Variants in PTPRD observed in about 807,000 individuals in gnomAD.
PTPRD encodes receptor-type tyrosine-protein phosphatase delta.
Under a neutral mutation model 214.5 loss-of-function variants are expected in PTPRD, and 34 were observed. The ratio of observed to expected loss-of-function variants is 0.16; its 90% CI spans 0.12 to 0.21. The LOEUF is 0.21. Ranked by LOEUF, PTPRD falls within the 10% of genes least tolerant of loss-of-function variation. PTPRD has a pLI of 1.00. For synonymous variants in PTPRD, 1,128 were observed against 845.7 expected, an observed-to-expected ratio of 1.33 and a Z score of -5.79; for missense variants, 2,545 against 2,398.7, an observed-to-expected ratio of 1.06 and a Z score of -1.27.
chr9:9,597,100 A>T (rs1438614916), intron 7 of PTPRD, among the ~76,000 whole-genome samples: 1 of 152,022 alleles, frequency 6.6e-6, no homozygotes, highest in African/African-American at 2.4e-5. Flanking sequence ...GAAAGTAATC[A>T]GTGAGACAGA....
At chr9:10,134,887 T>C (rs1385080379) in intron 3 of PTPRD, among the ~76,000 whole-genome samples, 2 of 152,042 alleles carry the variant, frequency 1.3e-5, no homozygotes, top group African/African-American at 4.8e-5. Context: ...ACCACTGAAA[T>C]GGCTGAAATG....
intron 5 of PTPRD, among the ~76,000 whole-genome samples, chr9:9,881,771 C>T (rs11999751): frequency 1.3e-5 from 2 of 152,054 alleles, no homozygotes; most frequent in Non-Finnish European, 2.9e-5. Context: ...GTAACCATAT[C>T]ATTTGCTTTA....
At chr9:9,872,763 C>T (rs969100207) in intron 5 of PTPRD, among the ~76,000 whole-genome samples, 5 of 152,094 alleles carry the variant, frequency 3.3e-5, no homozygotes, top group African/African-American at 9.7e-5. Context: ...GAAGTAACTT[C>T]AAGTAGTTTT....
chr9:9,898,007 G>A (rs562710469), intron 5 of PTPRD, among the ~76,000 whole-genome samples: 14 of 152,096 alleles, frequency 9.2e-5, no homozygotes, highest in Admixed American at 2.6e-4. Flanking sequence ...TATAAAAACA[G>A]GTGGCTTTGG....
chr9:10,121,272 G>A (rs1438342379), intron 3 of PTPRD, among the ~76,000 whole-genome samples: 2 of 152,140 alleles, frequency 1.3e-5, no homozygotes, highest in African/African-American at 4.8e-5. Context: ...GGAAATGGTA[G>A]CATGGATAAT....
chr9:9,455,566 G>A (rs1208911429), intron 8 of PTPRD, among the ~76,000 whole-genome samples: 1 of 151,538 alleles, frequency 6.6e-6, no homozygotes, highest in Non-Finnish European at 1.5e-5. Flanking sequence ...GGCCTTTCAA[G>A]ATTAATATTA....
chr9:9,806,919 T>C (rs1217633780), intron 5 of PTPRD, among the ~76,000 whole-genome samples: 1 of 152,054 alleles, frequency 6.6e-6, no homozygotes. Context: ...TCCCAAGTGC[T>C]GGCAGGCCAC....
chr9:8,512,649 G>C (rs902431789), intron 21 of PTPRD, among the ~76,000 whole-genome samples: 2 of 151,894 alleles, frequency 1.3e-5, no homozygotes, highest in Non-Finnish European at 2.9e-5. Flanking sequence ...CTAGTCATTA[G>C]TATTTGATAA....
chr9:10,276,994 G>A (rs2094731544), intron 3 of PTPRD, among the ~76,000 whole-genome samples: 1 of 152,098 alleles, frequency 6.6e-6, no homozygotes, highest in Non-Finnish European at 1.5e-5. Flanking sequence ...CTCCCTCATG[G>A]CATGTCCAAA....
chr9:8,714,358 T>G (rs2098406611), intron 12 of PTPRD, among the ~76,000 whole-genome samples: 1 of 152,198 alleles, frequency 6.6e-6, no homozygotes, highest in Non-Finnish European at 1.5e-5. Flanking sequence ...TCCTTTATTC[T>G]GCCCTTTGCA....
intron 2 of PTPRD, among the ~76,000 whole-genome samples, chr9:10,494,344 TA>T (rs1186117683): frequency 6.6e-6 from 1 of 151,858 alleles, no homozygotes; most frequent in Admixed American, 6.6e-5. Flanking sequence ...TTTCTTCTGA[TA>T]AATATATATA....
At chr9:9,542,594 A>G (rs1168475474) in intron 8 of PTPRD, among the ~76,000 whole-genome samples, 3 of 151,772 alleles carry the variant, frequency 2.0e-5, no homozygotes, top group Non-Finnish European at 4.4e-5. Context: ...TACAAAATAT[A>G]TAAAGAACTT....
intron 35 of PTPRD, among the ~76,000 whole-genome samples, chr9:8,408,138 T>C (rs2093186003): frequency 6.6e-6 from 1 of 152,102 alleles, no homozygotes; most frequent in Non-Finnish European, 1.5e-5. Flanking sequence ...ATGGCCAAAA[T>C]GAAGAAAGAG....
intron 7 of PTPRD, among the ~76,000 whole-genome samples, chr9:9,659,614 G>GA (rs1476634770): frequency 1.3e-4 from 19 of 151,794 alleles, no homozygotes; most frequent in Middle Eastern, 3.4e-3. Context: ...AAAATACCCT[G>GA]AAAAAAAGCT....
intron 12 of PTPRD, among the ~76,000 whole-genome samples, chr9:8,730,414 T>TA (rs1702707208): frequency 1.3e-5 from 2 of 152,184 alleles, no homozygotes; most frequent in African/African-American, 2.4e-5. Context: ...TCTGAGGAAT[T>TA]AAATTATGAA....
chr9:9,360,791 A>G (rs2055815614), intron 9 of PTPRD, among the ~76,000 whole-genome samples: 1 of 151,160 alleles, frequency 6.6e-6, no homozygotes, highest in African/African-American at 2.4e-5. Flanking sequence ...AGATACATTC[A>G]TTGAAAAAGA....
At chr9:9,313,254 C>A (rs1960193372) in intron 9 of PTPRD, among the ~76,000 whole-genome samples, 1 of 151,998 alleles carries the variant, frequency 6.6e-6, no homozygotes, top group South Asian at 2.1e-4. Context: ...AGGAGAGCAA[C>A]AAGATTATTT....
intron 8 of PTPRD, among the ~76,000 whole-genome samples, chr9:9,459,217 G>A (rs1161408260): frequency 6.6e-6 from 1 of 151,920 alleles, no homozygotes; most frequent in Non-Finnish European, 1.5e-5. Context: ...CCACACAAAA[G>A]CTATCAACAA....
At chr9:8,880,830 G>C (rs2098439760) in intron 11 of PTPRD, among the ~76,000 whole-genome samples, 1 of 152,014 alleles carries the variant, frequency 6.6e-6, no homozygotes, top group African/African-American at 2.4e-5. Context: ...TGTCATCCAG[G>C]CTGGAGTGCA....
Sources: gnomAD v4.1 joint callset for allele counts (sites outside exome capture counted in the v4.1 genomes callset) on GRCh38, gnomAD v4.1.1 for gene constraint, MANE v1.5 for transcripts, NCBI Gene and HGNC (gene_info 2026-07-23, HGNC 2026-07-21) for gene names.